FAXDC2: variants seen among roughly 807,000 people sequenced by gnomAD.
FAXDC2 encodes the protein fatty acid hydroxylase domain containing 2.
FAXDC2 carries 41 observed loss-of-function variants against 40.9 expected under a neutral mutation model. The ratio of observed to expected loss-of-function variants is 1.00; its 90% CI spans 0.78 to 1.30. The LOEUF is 1.30. Ranked by LOEUF, FAXDC2 falls within the 50% of genes most tolerant of loss-of-function variation. FAXDC2 has a pLI of 0.00. For missense variants in FAXDC2, 390 were observed against 408.8 expected (o/e 0.95, Z 0.40); for synonymous variants, 157 against 149.3 (o/e 1.05, Z -0.38).
At chr5:154,835,084 T>A in intron 2 of FAXDC2, 150 bp from the exon 3 acceptor site, 1 of 615,882 alleles carries the variant, frequency 1.6e-6, no homozygotes, top group East Asian at 2.8e-5. Flanking sequence ...TTTTCCAGCT[T>A]CTGTGGGAGC....
intron 5 of FAXDC2, among the ~76,000 whole-genome samples, chr5:154,829,224 C>T (rs947210574): frequency 1.3e-5 from 2 of 152,114 alleles, no homozygotes; most frequent in African/African-American, 2.4e-5. Flanking sequence ...GGAAGCAAGG[C>T]CCCTCCCTCT....
chr5:154,843,991 G>T (rs968979606), intron 1 of FAXDC2, among the ~76,000 whole-genome samples: 1 of 152,166 alleles, frequency 6.6e-6, no homozygotes, highest in Non-Finnish European at 1.5e-5. Flanking sequence ...GGCTGAGGTG[G>T]GTGGATCGTT....
At chr5:154,848,841 C>G (rs190577836) in intron 1 of FAXDC2, among the ~76,000 whole-genome samples, 1 of 151,544 alleles carries the variant, frequency 6.6e-6, no homozygotes, top group Non-Finnish European at 1.5e-5. Context: ...GTGGTGCACG[C>G]CTGTAATCCC....
intron 1 of FAXDC2, among the ~76,000 whole-genome samples, chr5:154,846,268 TA>T (rs1418180185): frequency 8.5e-6 from 1 of 118,284 alleles, no homozygotes; most frequent in Non-Finnish European, 1.8e-5. Flanking sequence ...GTGAACTAGA[TA>T]GTGTGTGTGT....
At position 154,820,353 on chromosome 5, in the gene FAXDC2, G is replaced by T. The variant is rs769970258; in HGVS notation, c.965C>A (p.Ser322Tyr). Reference sequence around the variant, plus strand: ...CTTTGGGGAGTCTGGGATGCTCTCAGAGAGCGGGGTGAAGCCCAGCAGGAG... The same window carrying T: ...CTTTGGGGAGTCTGGGATGCTCTCATAGAGCGGGGTGAAGCCCAGCAGGAG... ...HVLLLGFTPL[S>Y]ESIPDSPKRM... Residue 322 changes from serine to tyrosine, a missense_variant, in exon 9 of 9, where the codon TCT becomes TAT. Coordinates refer to ENST00000326080, the MANE Select transcript of FAXDC2 (RefSeq NM_032385.5). 1.4e-5 allele frequency: 23 copies of T among 1,613,302 alleles called. No individual in the cohort carries two copies. In the East Asian group the frequency reaches 5.1e-4, roughly 36 times the overall value.
rs1759841669 is a variant in FAXDC2, at chr5:154,820,069, A to G, written c.*247T>C. The G allele has an allele frequency of 5.0e-6, 2 of 396,296 alleles. No individual in the cohort carries two copies. Among genetic ancestry groups the G allele is most frequent in the Non-Finnish European group, 9.6e-6 (2 of 207,408 alleles). The allele number at this position is 396,296 out of a possible 1,614,324, so 24.5% of individuals were successfully genotyped here. ...GGTCTCCTCCCTCTGACCAGCCTCCAGTCTGGGGAGCTGTGTTTTCCTTTT... is the reference window on the plus strand; with the variant it reads ...GGTCTCCTCCCTCTGACCAGCCTCCGGTCTGGGGAGCTGTGTTTTCCTTTT... On this transcript the variant is annotated 3_prime_UTR_variant, in exon 9 of 9. Coordinates refer to ENST00000326080, the MANE Select transcript of FAXDC2 (RefSeq NM_032385.5).
At position 154,834,689 on chromosome 5, in the gene FAXDC2, C is replaced by A. The variant is rs760065442; in HGVS notation, c.180G>T (p.Trp60Cys). 1.5e-5 allele frequency: 25 copies of A among 1,613,220 alleles called. No individual in the cohort carries two copies. In the South Asian group the frequency reaches 2.5e-4, roughly 16 times the overall value. The part of the protein sequence containing the change: ...QRFWGASGYF[W>C]QAQWERLLTT... ...TCAGCAGCCTCTCCCACTGGGCTTG[C>A]CAAAAGTAGCCAGAAGCACCCCAAA... The change falls in exon 4 of 9, where the codon TGG becomes TGT. Residue 60 changes from tryptophan to cysteine, a missense_variant. Coordinates refer to ENST00000326080, the MANE Select transcript of FAXDC2 (RefSeq NM_032385.5).
At chr5:154,838,219 A>T (rs1318227322) in intron 1 of FAXDC2, 41 bp from the exon 2 acceptor site, 1 of 1,600,176 alleles carries the variant, frequency 6.2e-7, no homozygotes, top group Admixed American at 1.7e-5. Flanking sequence ...AGTTATTTTC[A>T]TAAACATCTA....
intron 5 of FAXDC2, among the ~76,000 whole-genome samples, chr5:154,825,234 T>G (rs1303959567): frequency 4.0e-5 from 6 of 151,452 alleles, no homozygotes; most frequent in South Asian, 2.1e-4. Flanking sequence ...CGTGGTGGCA[T>G]GCACTTGTAG....
intron 2 of FAXDC2, among the ~76,000 whole-genome samples, chr5:154,835,612 G>A (rs775185529): frequency 1.3e-4 from 19 of 151,968 alleles, no homozygotes; most frequent in African/African-American, 3.4e-4. Flanking sequence ...ACAGAGTCTC[G>A]CTCTGTCGCC....
At chr5:154,841,734 A>G (rs1760478071) in intron 1 of FAXDC2, among the ~76,000 whole-genome samples, 1 of 150,518 alleles carries the variant, frequency 6.6e-6, no homozygotes, top group African/African-American at 2.5e-5. Flanking sequence ...AGGCAAAGTC[A>G]TATTCTTTTT....
chr5:154,842,512 GTTTTTTTT>G (rs772426610), intron 1 of FAXDC2, among the ~76,000 whole-genome samples: 111 of 51,586 alleles, frequency 2.2e-3, no homozygotes, highest in African/African-American at 8.0e-3. Context: ...CCCTTTGTGT[GTTTTTTTT>G]TTTTTTTTTT....
intron 5 of FAXDC2, among the ~76,000 whole-genome samples, chr5:154,828,670 C>T (rs1435544192): frequency 2.0e-5 from 3 of 151,532 alleles, no homozygotes; most frequent in Non-Finnish European, 2.9e-5. Context: ...AACCATGGCT[C>T]GCTTCAGCCT....
At chr5:154,841,639 A>C (rs1214231020) in intron 1 of FAXDC2, among the ~76,000 whole-genome samples, 2 of 152,072 alleles carry the variant, frequency 1.3e-5, no homozygotes, top group Non-Finnish European at 2.9e-5. Context: ...CTGTGGCTTG[A>C]TTCTGAGTTT....
chr5:154,842,795 G>A (rs2113166742), intron 1 of FAXDC2, among the ~76,000 whole-genome samples: 1 of 151,254 alleles, frequency 6.6e-6, no homozygotes, highest in South Asian at 2.1e-4. Context: ...TTCCCAAAGT[G>A]CTGCAATTAC....
chr5:154,839,459 CAT>C (rs1760430377), intron 1 of FAXDC2, among the ~76,000 whole-genome samples: 1 of 151,042 alleles, frequency 6.6e-6, no homozygotes, highest in Non-Finnish European at 1.5e-5. Flanking sequence ...CCTGGGCAAA[CAT>C]AGAGACACCC....
intron 1 of FAXDC2, among the ~76,000 whole-genome samples, chr5:154,842,247 G>A (rs1266581231): frequency 6.6e-6 from 1 of 151,984 alleles, no homozygotes; most frequent in Non-Finnish European, 1.5e-5. Flanking sequence ...ACCTAGGCTG[G>A]AGCGTAGTGG....
chr5:154,830,921 A>G lies in FAXDC2; in HGVS notation c.246T>C (p.Gly82=). 6.2e-7 allele frequency: 1 copy of G among 1,613,598 alleles called. No homozygotes were observed. The highest frequency in any genetic ancestry group is 8.5e-7 in the Non-Finnish European group (1 of 1,179,560). The change falls in exon 5 of 9, where the codon GGT becomes GGC. Residue 82 remains glycine (G), a splice_region_variant and synonymous_variant. Transcript: ENST00000326080. ...AGAAGAGACAAGGCACTTGGATGGC[A>G]CCTGAGATTGGGAAACAGAAACAGT... ...EGKEWILFFI[G]AIQVPCLFFW... is the part of the protein sequence containing the mutation.
intron 1 of FAXDC2, among the ~76,000 whole-genome samples, chr5:154,848,899 G>A (rs184490873): frequency 6.6e-6 from 1 of 152,174 alleles, no homozygotes; most frequent in East Asian, 1.9e-4. Context: ...CCTGGGAGGC[G>A]GAGGTTGCAG....
Sources: allele counts gnomAD v4.1 joint callset (sites outside exome capture counted in the v4.1 genomes callset), GRCh38; gene constraint gnomAD v4.1.1; transcripts MANE v1.5; gene names NCBI Gene and HGNC (gene_info 2026-07-23, HGNC 2026-07-21).